Variants in PIGX observed in about 807,000 individuals in gnomAD.
PIGX encodes the protein phosphatidylinositol glycan anchor biosynthesis class X.
A neutral mutation model predicts 28.7 loss-of-function variants in PIGX; 24 were observed. That is an observed-to-expected ratio of 0.84 (90% CI 0.60 to 1.17). The LOEUF is 1.17. Among genes scored for constraint, PIGX ranks in the 50% most tolerant of loss-of-function variants. PIGX has a pLI of 0.00. For synonymous variants in PIGX, 127 were observed against 121.0 expected, an observed-to-expected ratio of 1.05 and a Z score of -0.33; for missense variants, 305 against 317.8, an observed-to-expected ratio of 0.96 and a Z score of 0.31.
At chr3:196,725,924 A>G (rs977112189) in intron 3 of PIGX, among the ~76,000 whole-genome samples, 21 of 152,334 alleles carry the variant, frequency 1.4e-4, no homozygotes, top group African/African-American at 4.6e-4. Context: ...TAAGTAACTT[A>G]TCTGCATCCC....
Position 196,722,571 on chromosome 3 carries a change from G to A in PIGX, c.318+15G>A. The A allele has an allele frequency of 1.2e-6, 2 of 1,603,206 alleles. No homozygotes were observed. Among genetic ancestry groups the A allele is most frequent in the South Asian group, 2.2e-5 (2 of 89,562 alleles). On this transcript the variant is annotated intron_variant, in intron 3 of 5. Transcript: ENST00000392391. Reference sequence around the variant, plus strand: ...ACATAACAGAGGTACAGTTATTAGGGGATTTTTTGGGAGAGAAATTAATTT... The same window carrying A: ...ACATAACAGAGGTACAGTTATTAGGAGATTTTTTGGGAGAGAAATTAATTT...
intron 1 of PIGX, chr3:196,712,859 C>T: frequency 9.2e-7 from 1 of 1,089,186 alleles, no homozygotes; most frequent in Non-Finnish European, 1.1e-6. Context: ...GGCTCGGGCC[C>T]TGCGGTTCCC....
chr3:196,727,889 C>A (rs1232514785), intron 3 of PIGX, 34 bp from the exon 4 acceptor site: 1 of 1,401,032 alleles, frequency 7.1e-7, no homozygotes, highest in Non-Finnish European at 1.0e-6. Context: ...TCATTCATTT[C>A]TTCTTGATTA....
intron 4 of PIGX, among the ~76,000 whole-genome samples, chr3:196,730,157 A>G (rs994503653): frequency 6.6e-6 from 1 of 151,918 alleles, no homozygotes; most frequent in Admixed American, 6.6e-5. Context: ...CATACCTTTC[A>G]TGACGAGAAA....
At chr3:196,722,328 G>T (rs1341084448) in intron 2 of PIGX, 87 bp from the exon 3 acceptor site, 10 of 918,870 alleles carry the variant, frequency 1.1e-5, no homozygotes, top group Non-Finnish European at 1.7e-5. Flanking sequence ...TTGAAATACA[G>T]TGTTTTCACT....
intron 4 of PIGX, among the ~76,000 whole-genome samples, chr3:196,730,695 C>G (rs1257143162): frequency 1.4e-5 from 2 of 147,384 alleles, no homozygotes; most frequent in African/African-American, 5.0e-5. Context: ...TTGCAGTGAG[C>G]CGAGATTGCA....
intron 2 of PIGX, chr3:196,717,777 AC>A (rs1404604407): frequency 1.3e-5 from 2 of 152,198 alleles, no homozygotes; most frequent in South Asian, 2.1e-4. Flanking sequence ...GTACTATGAT[AC>A]ACTGCTCTAA....
chr3:196,717,303 A>AAAAAAAAAAAAAAAAAG (rs1486693574), intron 2 of PIGX, among the ~76,000 whole-genome samples: 1 of 151,684 alleles, frequency 6.6e-6, no homozygotes, highest in African/African-American at 2.4e-5. Flanking sequence ...TCTGTCTCAA[A>AAAAAAAAAAAAAAAAAG]AAAAGAAAAA....
rs144273559 is a variant in PIGX at position 196,733,899 on chromosome 3, A to G, written c.774A>G (p.Leu258=). 1.1e-5 allele frequency: 18 copies of G among 1,587,742 alleles called. No individual in the cohort carries two copies. The highest frequency in any genetic ancestry group is 1.4e-5 in the Non-Finnish European group (16 of 1,156,468). Residue 258 remains leucine, a synonymous_variant, in exon 6 of 6, where the codon CTA becomes CTG. Transcript: ENST00000392391. This position sits in a 1 kb window ranked among gnomAD's most constrained non-coding sequence, Gnocchi z 4.3. ...TTTTCAAATATGGCCATTTTTCCCTATAAGTTTTATGTAGTTAAATGCTTC... is the reference window on the plus strand; with the variant it reads ...TTTTCAAATATGGCCATTTTTCCCTGTAAGTTTTATGTAGTTAAATGCTTC...
chr3:196,716,809 T>C (rs1712113928), intron 1 of PIGX, 49 bp from the exon 2 acceptor site: 1 of 917,484 alleles, frequency 1.1e-6, no homozygotes. Context: ...TTAAATATTA[T>C]TTTATTCAGT....
chr3:196,718,521 T>C (rs1712188918), intron 2 of PIGX, among the ~76,000 whole-genome samples: 1 of 152,226 alleles, frequency 6.6e-6, no homozygotes, highest in Non-Finnish European at 1.5e-5. Context: ...TTATATTTTA[T>C]TCTCTTAATA....
At chr3:196,731,885 GGT>G (rs1294751702) in intron 5 of PIGX, among the ~76,000 whole-genome samples, 3 of 151,916 alleles carry the variant, frequency 2.0e-5, no homozygotes, top group East Asian at 3.9e-4. Context: ...GGAGTGCAGT[GGT>G]GCAATCTTGG....
At chr3:196,714,370 G>C (rs564260885) in intron 1 of PIGX, among the ~76,000 whole-genome samples, 16 of 152,270 alleles carry the variant, frequency 1.1e-4, no homozygotes, top group Admixed American at 4.6e-4. Flanking sequence ...AGGCCGATGT[G>C]GGAGGATTGC....
rs1712875634 is a variant in PIGX at position 196,733,052 on chromosome 3, A to T, written c.634-707A>T. Among the ~76,000 whole-genome samples the T allele has an allele frequency of 6.6e-6, 1 of 152,200 alleles. No homozygotes were observed. Among genetic ancestry groups the T allele is most frequent in the South Asian group, 2.1e-4 (1 of 4,830 alleles). The stretch of plus-strand genomic sequence containing the variant: ...TTGTTGTTTTAATGTTTTTCCTCTA[A>T]GTCTTCAATTTAGAGAGAATTCTGT... On this transcript the variant is annotated intron_variant, in intron 5 of 5. Coordinates refer to ENST00000392391, the MANE Select transcript of PIGX (RefSeq NM_017861.4). The surrounding 1 kb of genome is among the most constrained non-coding windows in gnomAD (Gnocchi z 4.3).
rs550518384 is a variant in PIGX, at chr3:196,716,904, G to C, written c.159G>C (p.Leu53Phe). The C allele has an allele frequency of 3.0e-4, 486 of 1,601,648 alleles. 4 individuals carry two copies. In the South Asian group the frequency reaches 5.0e-3, roughly 17 times the overall value. The change falls in exon 2 of 6, where the codon TTG becomes TTC. Residue 53 changes from leucine (L) to phenylalanine (F), a missense_variant. Leu to Phe is a conservative substitution (Grantham distance 22). Coordinates refer to ENST00000392391, the MANE Select transcript of PIGX (RefSeq NM_017861.4). The stretch of plus-strand genomic sequence containing the variant: ...AAATTATTTTGAGGCAAGAAGTTTT[G>C]AAAGATGGTTTCCACAGGTAAGTTG...
chr3:196,732,288 AT>A (rs59511400), intron 5 of PIGX, among the ~76,000 whole-genome samples: 8 of 45,298 alleles, frequency 1.8e-4, no homozygotes, highest in African/African-American at 5.8e-4. Context: ...TTTTTATTTT[AT>A]TTTTTTTTTT....
chr3:196,716,950 TTAAAA>T (rs1284050100), intron 2 of PIGX, 29 bp downstream of exon 2: 1 of 1,327,166 alleles, frequency 7.5e-7, no homozygotes, highest in Non-Finnish European at 1.1e-6. Flanking sequence ...TCTATTTCTA[TTAAAA>T]TAATGTGTCA....
chr3:196,721,301 C>T (rs1234495699), intron 2 of PIGX: 1 of 216,718 alleles, frequency 4.6e-6, no homozygotes, highest in Non-Finnish European at 9.4e-6. Context: ...GTTGCTGTGT[C>T]TCCAAGTCAC....
chr3:196,733,706 C>G lies in PIGX; in HGVS notation c.634-53C>G. ...GGGATTACAGGCATGAGCTACCACACCGGGCCCATGACATGCATTTTCAAT... is the reference window on the plus strand; with the variant it reads ...GGGATTACAGGCATGAGCTACCACAGCGGGCCCATGACATGCATTTTCAAT... On this transcript the variant is annotated intron_variant, in intron 5 of 5. Transcript: ENST00000392391. This position sits in a 1 kb window ranked among gnomAD's most constrained non-coding sequence, Gnocchi z 4.3. The G allele has an allele frequency of 4.4e-6, 6 of 1,375,840 alleles. No homozygotes were observed. Among genetic ancestry groups the G allele is most frequent in the Non-Finnish European group, 6.2e-6 (6 of 969,998 alleles). 85.2% of individuals were successfully genotyped at this position (1,375,840 alleles called of 1,614,324 possible). A position where few individuals can be genotyped will look rare whatever the true frequency, so the allele number is the denominator to read the frequency against.
Sources: allele counts gnomAD v4.1 joint callset (sites outside exome capture counted in the v4.1 genomes callset), GRCh38; gene constraint gnomAD v4.1.1; non-coding constraint Gnocchi (gnomAD v3.1); transcripts MANE v1.5; gene names NCBI Gene and HGNC (gene_info 2026-07-23, HGNC 2026-07-21).